The following WWTR1 variants were observed in gnomAD, a reference collection of about 807,000 sequenced individuals.
WWTR1 encodes WW domain containing transcription regulator 1, also known as WW domain-containing transcription regulator protein 1.
In WWTR1, 13 loss-of-function variants were observed where a neutral mutation model predicts 40.1. The ratio of observed to expected loss-of-function variants is 0.32; its 90% CI spans 0.21 to 0.52. WWTR1 has a LOEUF of 0.52. Among genes scored for constraint, WWTR1 ranks in the 20% least tolerant of loss-of-function variants. The pLI, the probability that WWTR1 is intolerant of heterozygous loss-of-function variation, is 0.97. For synonymous variants in WWTR1, 230 were observed against 210.1 expected (o/e 1.09, Z -0.82); for missense variants, 436 against 523.1 (o/e 0.83, Z 1.63).
At chr3:149,545,293 T>C (rs985473198) in intron 3 of WWTR1, among the ~76,000 whole-genome samples, 8 of 152,174 alleles carry the variant, frequency 5.3e-5, no homozygotes, top group African/African-American at 1.9e-4. Flanking sequence ...TCATGAAACC[T>C]ATTTCAAGCC....
Position 149,699,773 on chromosome 3 carries a change from C to T in WWTR1, c.-108+3351G>A, listed in dbSNP as rs140771821. 1.3e-3 allele frequency among the ~76,000 whole-genome samples: 199 copies of T among 152,332 alleles called. 1 individual carries two copies. The highest frequency in any genetic ancestry group is 4.7e-3 in the African/African-American group (196 of 41,586). ...TCAATATCTCTATCAGCATTTTGGT[C>T]ACAACCATTTAACCAGCCTTGAAGC... On this transcript the variant is annotated intron_variant, in intron 1 of 7. Transcript: ENST00000465804.
At chr3:149,571,417 A>C (rs1318671264) in intron 3 of WWTR1, among the ~76,000 whole-genome samples, 1 of 151,968 alleles carries the variant, frequency 6.6e-6, no homozygotes, top group African/African-American at 2.4e-5. Flanking sequence ...TGATTTCTAC[A>C]CGAGCTCCTG....
intron 2 of WWTR1, among the ~76,000 whole-genome samples, chr3:149,585,232 A>G (rs1256425026): frequency 6.6e-6 from 1 of 151,832 alleles, no homozygotes; most frequent in Admixed American, 6.6e-5. Flanking sequence ...TCCCAGGTTC[A>G]AGTGATTCTT....
intron 1 of WWTR1, among the ~76,000 whole-genome samples, chr3:149,700,761 A>C (rs1197731924): frequency 6.6e-6 from 1 of 152,210 alleles, no homozygotes; most frequent in Admixed American, 6.5e-5. Context: ...GGAAGAGTCT[A>C]ACTTTAGCAT....
At chr3:149,658,548 C>T (rs1339493323), upstream of WWTR1, 3 of 152,298 alleles carry the variant, frequency 2.0e-5, no homozygotes, top group African/African-American at 7.2e-5. Context: ...CGCGGGGAGA[C>T]ACCAACAAGG....
At chr3:149,685,306 G>T (rs76690288) in intron 1 of WWTR1, among the ~76,000 whole-genome samples, 3,232 of 152,292 alleles carry the variant, frequency 0.021, 66 homozygotes, top group South Asian at 0.092. Context: ...CTGGGGCTGG[G>T]ATAACTATAA....
At chr3:149,701,555 G>C (rs201770100) in intron 1 of WWTR1, 1 of 180,218 alleles carries the variant, frequency 5.5e-6, no homozygotes, top group Non-Finnish European at 1.2e-5. Context: ...TCTAAGAAAC[G>C]TATGAATTCT....
At chr3:149,628,486 A>G (rs1463802139) in intron 2 of WWTR1, among the ~76,000 whole-genome samples, 1 of 152,238 alleles carries the variant, frequency 6.6e-6, no homozygotes, top group Non-Finnish European at 1.5e-5. Context: ...CTGCCACTGA[A>G]GTCAAATTTT....
intron 3 of WWTR1, among the ~76,000 whole-genome samples, chr3:149,562,718 T>C (rs1317907775): frequency 6.6e-6 from 1 of 151,782 alleles, no homozygotes; most frequent in Non-Finnish European, 1.5e-5. Flanking sequence ...TTCCTGAGGC[T>C]TCACTTAAAT....
chr3:149,630,419 C>A (rs1172270255), intron 2 of WWTR1, among the ~76,000 whole-genome samples: 1 of 152,108 alleles, frequency 6.6e-6, no homozygotes, highest in Non-Finnish European at 1.5e-5. Flanking sequence ...GACCAGTAGC[C>A]AAAGACAAAG....
chr3:149,651,971 G>A (rs961282312), intron 2 of WWTR1, among the ~76,000 whole-genome samples: 7 of 147,296 alleles, frequency 4.8e-5, no homozygotes, highest in African/African-American at 1.8e-4. Flanking sequence ...GACTACAGGC[G>A]CCCGCTGCCA....
intron 5 of WWTR1, among the ~76,000 whole-genome samples, chr3:149,716,743 G>T (rs1715614201): frequency 6.6e-6 from 1 of 152,032 alleles, no homozygotes; most frequent in Admixed American, 6.6e-5. Flanking sequence ...TAAGTGGATG[G>T]ATGGCTACTT....
intron 3 of WWTR1, among the ~76,000 whole-genome samples, chr3:149,565,841 G>A (rs922699880): frequency 2.6e-5 from 4 of 151,492 alleles, no homozygotes; most frequent in Non-Finnish European, 2.9e-5. Flanking sequence ...AACCCGGGAG[G>A]TGGAGGTTGT....
intron 2 of WWTR1, among the ~76,000 whole-genome samples, chr3:149,584,634 AG>A (rs1560072075): frequency 6.6e-6 from 1 of 152,210 alleles, no homozygotes. Context: ...AATAATTATC[AG>A]GAAACACAGC....
At chr3:149,531,936 C>T (rs571191170) in intron 4 of WWTR1, among the ~76,000 whole-genome samples, 6 of 152,218 alleles carry the variant, frequency 3.9e-5, no homozygotes, top group Non-Finnish European at 7.4e-5. Flanking sequence ...GAAATAATAG[C>T]CTATTGTATA....
chr3:149,661,703 C>T (rs1191411631), upstream of WWTR1, among the ~76,000 whole-genome samples: 2 of 150,520 alleles, frequency 1.3e-5, no homozygotes, highest in African/African-American at 4.9e-5. Flanking sequence ...GGATTATAGG[C>T]TTGAGCCACC....
chr3:149,522,067 C>A (rs1379885342), intron 6 of WWTR1, among the ~76,000 whole-genome samples: 1 of 152,128 alleles, frequency 6.6e-6, no homozygotes, highest in Non-Finnish European at 1.5e-5. Context: ...AATATCAAAA[C>A]AACAGGTTAA....
chr3:149,672,192 T>G (rs951210050), intron 1 of WWTR1, among the ~76,000 whole-genome samples: 1 of 152,232 alleles, frequency 6.6e-6, no homozygotes, highest in Non-Finnish European at 1.5e-5. Context: ...AGAGGCTTTA[T>G]GTGGCCGCAA....
At chr3:149,622,673 A>AAAACCAAAACC (rs1395850781) in intron 2 of WWTR1, among the ~76,000 whole-genome samples, 7 of 152,158 alleles carry the variant, frequency 4.6e-5, no homozygotes, top group Admixed American at 6.5e-5. Flanking sequence ...CAACATGGCG[A>AAAACCAAAACC]AAACCAAAAC....
Sources: gnomAD v4.1 joint callset for allele counts (sites outside exome capture counted in the v4.1 genomes callset) on GRCh38, gnomAD v4.1.1 for gene constraint, MANE v1.5 for transcripts, NCBI Gene and HGNC (gene_info 2026-07-23, HGNC 2026-07-21) for gene names.